SLAIN1: variants seen among roughly 807,000 people sequenced by gnomAD.
SLAIN1 encodes the protein SLAIN motif-containing protein 1.
In SLAIN1, 17 loss-of-function variants were observed where a neutral mutation model predicts 55.4. The observed-to-expected ratio is 0.31, with a 90% CI of 0.21 to 0.46. The LOEUF is 0.46. SLAIN1 is among the 20% of genes least tolerant of loss of function. SLAIN1 has a pLI of 1.00. For synonymous variants in SLAIN1, 348 were observed against 337.4 expected, an observed-to-expected ratio of 1.03 and a Z score of -0.35; for missense variants, 682 against 785.1, an observed-to-expected ratio of 0.87 and a Z score of 1.57.
intron 2 of SLAIN1, among the ~76,000 whole-genome samples, chr13:77,740,361 G>GT (rs893704750): frequency 9.9e-5 from 15 of 152,138 alleles, no homozygotes; most frequent in African/African-American, 3.6e-4. Context: ...GCAGAAAGAA[G>GT]TGTCCTGGGA....
chr13:77,750,852 A>G (rs1874158850), intron 4 of SLAIN1, among the ~76,000 whole-genome samples: 1 of 152,160 alleles, frequency 6.6e-6, no homozygotes. Flanking sequence ...TAAGACCCAC[A>G]TGAGTAAAAT....
chr13:77,735,075 G>C (rs1018298076), intron 2 of SLAIN1, among the ~76,000 whole-genome samples: 1 of 151,872 alleles, frequency 6.6e-6, no homozygotes, highest in Non-Finnish European at 1.5e-5. Flanking sequence ...GAATGTTTTT[G>C]CTACAACTTG....
rs939730699 is a variant in SLAIN1, at chr13:77,763,578, C to T, written c.*358C>T. 31 of 192,646 alleles carry T rather than the reference C, an allele frequency of 1.6e-4. No homozygotes were observed. The highest frequency in any genetic ancestry group is 6.8e-4 in the African/African-American group (29 of 42,808). 11.9% of individuals were successfully genotyped at this position (192,646 alleles called of 1,614,324 possible). A position where few individuals can be genotyped will look rare whatever the true frequency, so the allele number is the denominator to read the frequency against. Reference sequence around the variant, plus strand: ...GTTCAATTTACTCACGTGTTCTAAACATCTTTCCATTACATGTTCTGTATT... The same window carrying T: ...GTTCAATTTACTCACGTGTTCTAAATATCTTTCCATTACATGTTCTGTATT... On this transcript the variant is annotated 3_prime_UTR_variant, in exon 7 of 7. Coordinates refer to ENST00000418532, the MANE Select transcript of SLAIN1 (RefSeq NM_001242868.2).
In SLAIN1 at chr13:77,763,826, C is replaced by G. The variant is rs55937311; in HGVS notation, c.*606C>G. On this transcript the variant is annotated 3_prime_UTR_variant, in exon 7 of 7. Transcript: ENST00000418532. ...CAAAAACACATCATGCAATTTGAGACACATAATTTTGTGTTGAATGAGCAC... is the reference window on the plus strand; with the variant it reads ...CAAAAACACATCATGCAATTTGAGAGACATAATTTTGTGTTGAATGAGCAC... 1,909 of 152,698 alleles carry G rather than the reference C, an allele frequency of 0.013. 33 individuals carry two copies. The highest frequency in any genetic ancestry group is 0.018 in the East Asian group (93 of 5,184). The allele number at this position is 152,698 out of a possible 1,614,324, so 9.5% of individuals were successfully genotyped here.
At chr13:77,705,302 G>T (rs980684737) in intron 1 of SLAIN1, among the ~76,000 whole-genome samples, 1 of 151,796 alleles carries the variant, frequency 6.6e-6, no homozygotes, top group Non-Finnish European at 1.5e-5. Flanking sequence ...TCTATGAGAA[G>T]GATAGTAGTT....
chr13:77,745,346 T>C (rs1030128327), intron 3 of SLAIN1, among the ~76,000 whole-genome samples: 1 of 152,022 alleles, frequency 6.6e-6, no homozygotes, highest in African/African-American at 2.4e-5. Context: ...ATGTTACCAC[T>C]GGGGGAAACT....
rs970639665 is a variant in SLAIN1 at position 77,763,430 on chromosome 13, G to T, written c.*210G>T. 19 of 555,494 alleles carry T rather than the reference G, an allele frequency of 3.4e-5. No homozygotes were observed. Among genetic ancestry groups the T allele is most frequent in the Non-Finnish European group, 5.4e-5 (17 of 313,474 alleles). 34.4% of individuals were successfully genotyped at this position (555,494 alleles called of 1,614,324 possible). A position where few individuals can be genotyped will look rare whatever the true frequency, so the allele number is the denominator to read the frequency against. ...ATACTGCAACATTCTCAAACCCATG[G>T]TTGCAGTATTGTGACACTTAGATCT... On this transcript the variant is annotated 3_prime_UTR_variant, in exon 7 of 7. Transcript: ENST00000418532.
In SLAIN1 at chr13:77,698,577, C is replaced by A; in HGVS notation, c.626+38C>A. On this transcript the variant is annotated intron_variant, in intron 1 of 6. Transcript: ENST00000418532. This position sits in a 1 kb window ranked among gnomAD's most constrained non-coding sequence, Gnocchi z 4.1. ...TCCGCTCCTTCCCCGAGACCCTGGC[C>A]TCGGGGGCTTCGGGCACCGGGGAGC... 7.3e-7 allele frequency: 1 copy of A among 1,373,168 alleles called. No homozygotes were observed. Among genetic ancestry groups the A allele is most frequent in the Non-Finnish European group, 9.4e-7 (1 of 1,068,488 alleles). 85.1% of individuals were successfully genotyped at this position (1,373,168 alleles called of 1,614,324 possible).
chr13:77,720,412 A>G (rs967301544), intron 2 of SLAIN1, among the ~76,000 whole-genome samples: 1 of 152,128 alleles, frequency 6.6e-6, no homozygotes, highest in Admixed American at 6.5e-5. Context: ...AGATTAAAGA[A>G]TGATACTGTT....
chr13:77,742,085 A>G (rs1873481487), intron 2 of SLAIN1, among the ~76,000 whole-genome samples: 1 of 151,236 alleles, frequency 6.6e-6, no homozygotes, highest in Admixed American at 6.6e-5. Context: ...ATGATTTGGG[A>G]TTTGTGTGTG....
Position 77,698,021 on chromosome 13 carries a change from G to A in SLAIN1, c.108G>A (p.Val36=), listed in dbSNP as rs1321053645. The stretch of plus-strand genomic sequence containing the variant: ...AGGTGAAGAAGCTGCAGGAGCTGGT[G>A]CGCAAGCTGGAGAAGCAGAACGAGC... ...ELEVKKLQEL[V]RKLEKQNEQL... The change falls in exon 1 of 7, where the codon GTG becomes GTA. Residue 36 remains valine (V), a synonymous_variant. Coordinates refer to ENST00000418532, the MANE Select transcript of SLAIN1 (RefSeq NM_001242868.2). This position sits in a 1 kb window ranked among gnomAD's most constrained non-coding sequence, Gnocchi z 4.1. 8 of 1,429,004 alleles carry A rather than the reference G, an allele frequency of 5.6e-6. No homozygotes were observed. Among genetic ancestry groups the A allele is most frequent in the Non-Finnish European group, 6.5e-6 (7 of 1,079,418 alleles). 88.5% of individuals were successfully genotyped at this position (1,429,004 alleles called of 1,614,324 possible).
chr13:77,753,344 G>T lies in SLAIN1; in HGVS notation c.1400G>T (p.Arg467Ile), dbSNP rs1209980706. The stretch of plus-strand genomic sequence containing the variant: ...CATGGAGCTGGAAATGGAATTTCAA[G>T]AATACAATCTTGTAGTGAGTATAAT... ...SLHGAGNGIS[R>I]IQSCIPSPGQ... Residue 467 changes from arginine (R) to isoleucine (I), a missense_variant, in exon 5 of 7, where the codon AGA (arginine) becomes ATA (isoleucine). Around this residue, in one of 3 missense-constraint regions of SLAIN1, gnomAD observed 244 missense variants for 295.2 expected, o/e 0.83. Transcript: ENST00000418532. The T allele has an allele frequency of 6.2e-7, 1 of 1,605,314 alleles. No homozygotes were observed. The highest frequency in any genetic ancestry group is 1.7e-5 in the Admixed American group (1 of 58,862).
chr13:77,742,362 G>A (rs955376267), intron 2 of SLAIN1, among the ~76,000 whole-genome samples: 5 of 151,818 alleles, frequency 3.3e-5, no homozygotes, highest in African/African-American at 7.3e-5. Context: ...AAATCCGAGT[G>A]ATCACCAATA....
At chr13:77,750,290 T>G (rs1382259361) in intron 4 of SLAIN1, among the ~76,000 whole-genome samples, 1 of 152,190 alleles carries the variant, frequency 6.6e-6, no homozygotes, top group South Asian at 2.1e-4. Flanking sequence ...TGAAAACTAT[T>G]ATAGTAAATA....
chr13:77,757,513 T>C (rs1254278821), intron 5 of SLAIN1, among the ~76,000 whole-genome samples: 2 of 151,994 alleles, frequency 1.3e-5, no homozygotes, highest in African/African-American at 4.8e-5. Context: ...TGGTGATTTC[T>C]GAGATTTTGG....
chr13:77,746,797 A>T lies in SLAIN1; in HGVS notation c.1200A>T (p.Gln400His). 6.2e-7 allele frequency: 1 copy of T among 1,613,836 alleles called. No homozygotes were observed. The change falls in exon 4 of 7, where the codon CAA becomes CAT. Residue 400 changes from glutamine to histidine, a missense_variant. By Grantham distance (24) the Gln-to-His change is conservative. Coordinates refer to ENST00000418532, the MANE Select transcript of SLAIN1 (RefSeq NM_001242868.2). ...QYFPSNNYQQ[Q>H]QYYSPQAQTP... ...TTCCTTCAAATAATTACCAGCAGCA[A>T]CAGTATTATTCACCTCAAGCCCAAA...
intron 2 of SLAIN1, among the ~76,000 whole-genome samples, chr13:77,742,163 A>C (rs922636826): frequency 3.3e-5 from 5 of 151,914 alleles, no homozygotes; most frequent in African/African-American, 1.2e-4. Flanking sequence ...GAAGTACATT[A>C]ATTAGACAAG....
At chr13:77,699,495 G>A (rs1311697442) in intron 1 of SLAIN1, among the ~76,000 whole-genome samples, 1 of 152,096 alleles carries the variant, frequency 6.6e-6, no homozygotes, top group Non-Finnish European at 1.5e-5. Context: ...TCCTTTTTAT[G>A]TAGGACCCTT....
In SLAIN1 at chr13:77,753,236, G is replaced by A. The variant is rs1356534739; in HGVS notation, c.1292G>A (p.Arg431Gln). 8.1e-6 allele frequency: 13 copies of A among 1,610,436 alleles called. No individual in the cohort carries two copies. The highest frequency in any genetic ancestry group is 2.2e-5 in the East Asian group (1 of 44,784). The change falls in exon 5 of 7, where the codon CGG becomes CAG. Residue 431 changes from arginine to glutamine, a missense_variant. This residue lies in a region of SLAIN1 where 244 missense variants were observed against 295.2 expected (regional missense o/e 0.83). Coordinates refer to ENST00000418532, the MANE Select transcript of SLAIN1 (RefSeq NM_001242868.2). Reference sequence around the variant, plus strand: ...CGAAGAAGTATGCCTAACCTAGCCCGGATGCCAAGTACAACTGCCATTAGT... The same window carrying A: ...CGAAGAAGTATGCCTAACCTAGCCCAGATGCCAAGTACAACTGCCATTAGT... ...KLRRSMPNLA[R>Q]MPSTTAISSN... is the part of the protein sequence containing the mutation.
Sources: allele counts gnomAD v4.1 joint callset (sites outside exome capture counted in the v4.1 genomes callset), GRCh38; gene constraint gnomAD v4.1.1; regional missense constraint gnomAD v4.1.1; non-coding constraint Gnocchi (gnomAD v3.1); transcripts MANE v1.5; gene names NCBI Gene and HGNC (gene_info 2026-07-23, HGNC 2026-07-21).